The following MACROD2 variants were observed in gnomAD, a reference collection of about 807,000 sequenced individuals.
MACROD2 encodes ADP-ribose glycohydrolase MACROD2.
A neutral mutation model predicts 70.4 loss-of-function variants in MACROD2; 36 were observed. The ratio of observed to expected loss-of-function variants is 0.51; its 90% CI spans 0.39 to 0.68. The LOEUF (loss-of-function observed/expected upper bound fraction) is 0.68, where lower values mean the gene tolerates loss of function less well. MACROD2 is among the 30% of genes least tolerant of loss of function. The pLI is 0.00. For missense variants in MACROD2, 496 were observed against 538.4 expected, an observed-to-expected ratio of 0.92 and a Z score of 0.78; for synonymous variants, 172 against 178.8, an observed-to-expected ratio of 0.96 and a Z score of 0.30.
intron 5 of MACROD2, among the ~76,000 whole-genome samples, chr20:15,036,010 T>C (rs2075310192): frequency 6.6e-6 from 1 of 152,114 alleles, no homozygotes; most frequent in South Asian, 2.1e-4. Flanking sequence ...ATGGTCTGCC[T>C]ACTTGAAACA....
At chr20:14,280,910 G>A (rs1341775214) in intron 3 of MACROD2, among the ~76,000 whole-genome samples, 1 of 152,118 alleles carries the variant, frequency 6.6e-6, no homozygotes, top group African/African-American at 2.4e-5. Flanking sequence ...AAAAGAAACT[G>A]AAGGGAAAAT....
intron 4 of MACROD2, among the ~76,000 whole-genome samples, chr20:14,680,154 C>T (rs1177486990): frequency 1.3e-5 from 2 of 152,050 alleles, no homozygotes; most frequent in African/African-American, 4.8e-5. Context: ...GAGGAGATGC[C>T]AGAAAGGAGA....
At chr20:14,568,798 C>G (rs1441799987) in intron 4 of MACROD2, among the ~76,000 whole-genome samples, 1 of 151,846 alleles carries the variant, frequency 6.6e-6, no homozygotes, top group African/African-American at 2.4e-5. Context: ...ATACATTTTT[C>G]TACGTGAGCG....
chr20:14,910,687 A>T (rs988381522), intron 5 of MACROD2, among the ~76,000 whole-genome samples: 2 of 152,186 alleles, frequency 1.3e-5, no homozygotes, highest in Admixed American at 6.5e-5. Flanking sequence ...GTTACAACCC[A>T]TTGACTGCTC....
chr20:14,554,722 C>T (rs1568667899), intron 4 of MACROD2, among the ~76,000 whole-genome samples: 3 of 152,034 alleles, frequency 2.0e-5, no homozygotes, highest in African/African-American at 4.8e-5. Flanking sequence ...ACACATTATT[C>T]TAAAATTCCT....
At chr20:15,036,174 CA>C (rs2075311528) in intron 5 of MACROD2, among the ~76,000 whole-genome samples, 1 of 152,156 alleles carries the variant, frequency 6.6e-6, no homozygotes, top group Admixed American at 6.5e-5. Flanking sequence ...ACTTGCTTCT[CA>C]AAAATTATCA....
chr20:14,841,367 T>G (rs1298673319), intron 5 of MACROD2, among the ~76,000 whole-genome samples: 1 of 152,178 alleles, frequency 6.6e-6, no homozygotes, highest in East Asian at 1.9e-4. Flanking sequence ...TAATAGAAAC[T>G]TTCCACTGAG....
At chr20:14,105,567 A>G (rs771906975) in intron 3 of MACROD2, among the ~76,000 whole-genome samples, 1 of 152,200 alleles carries the variant, frequency 6.6e-6, no homozygotes, top group Admixed American at 6.5e-5. Context: ...CTCAAGAGGC[A>G]GTCTAGCTCA....
At chr20:15,392,649 A>C (rs2045808909) in intron 6 of MACROD2, among the ~76,000 whole-genome samples, 2 of 152,090 alleles carry the variant, frequency 1.3e-5, no homozygotes, top group Non-Finnish European at 1.5e-5. Context: ...TTCTGTTTTG[A>C]GGATTGGTGC....
chr20:15,623,714 A>ATCTT, intron 8 of MACROD2, among the ~76,000 whole-genome samples: 1 of 151,798 alleles, frequency 6.6e-6, no homozygotes, highest in East Asian at 1.9e-4. Flanking sequence ...CTATCTATCT[A>ATCTT]TCTATCGATG....
At chr20:15,055,045 G>A (rs2075473550) in intron 5 of MACROD2, among the ~76,000 whole-genome samples, 2 of 150,066 alleles carry the variant, frequency 1.3e-5, no homozygotes, top group South Asian at 4.2e-4. Flanking sequence ...TTCCTCCTGG[G>A]TTCAAGTGAT....
At chr20:15,391,840 T>G (rs1157937948) in intron 6 of MACROD2, among the ~76,000 whole-genome samples, 1 of 152,180 alleles carries the variant, frequency 6.6e-6, no homozygotes, top group Non-Finnish European at 1.5e-5. Context: ...AAAACTTACC[T>G]ATCAGTAAGA....
chr20:14,557,684 C>T (rs2093042), intron 4 of MACROD2, among the ~76,000 whole-genome samples: 148,667 of 151,916 alleles, frequency 0.98, 72,827 homozygotes, highest in East Asian at 1. Flanking sequence ...AAGCCACTTT[C>T]ATTCAGTAGG....
At chr20:15,720,385 A>G (rs1423617790) in intron 8 of MACROD2, among the ~76,000 whole-genome samples, 1 of 152,200 alleles carries the variant, frequency 6.6e-6, no homozygotes, top group Non-Finnish European at 1.5e-5. Context: ...ACTATTTCCC[A>G]TAATGGCTAT....
intron 10 of MACROD2, among the ~76,000 whole-genome samples, chr20:15,907,293 T>G (rs1405552275): frequency 6.6e-6 from 1 of 152,228 alleles, no homozygotes. Flanking sequence ...GCTCACAAGA[T>G]CAGTCAATCA....
At chr20:14,451,979 A>G (rs2084250759) in intron 3 of MACROD2, among the ~76,000 whole-genome samples, 1 of 152,072 alleles carries the variant, frequency 6.6e-6, no homozygotes, top group African/African-American at 2.4e-5. Context: ...AATAGCACAT[A>G]AAGCTCACGC....
At chr20:14,028,525 T>C (rs1051303545) in intron 2 of MACROD2, among the ~76,000 whole-genome samples, 2 of 152,160 alleles carry the variant, frequency 1.3e-5, no homozygotes, top group Non-Finnish European at 2.9e-5. Context: ...CCCAGTTTTG[T>C]GCTTGAAACC....
chr20:16,001,907 A>G lies in MACROD2; in HGVS notation c.1153+14749A>G, dbSNP rs187232330. Among the ~76,000 whole-genome samples the G allele has an allele frequency of 3.9e-5, 6 of 152,156 alleles. No individual in the cohort carries two copies. In the East Asian group the frequency reaches 1.2e-3, roughly 29 times the overall value. On this transcript the variant is annotated intron_variant, in intron 15 of 17. Transcript: ENST00000684519. ...TAGTCAATATTTTACACTTTGTTAC[A>G]TTACTCTTATTTTTCCATTAACAAA...
chr20:15,172,491 A>G (rs866256628), intron 5 of MACROD2, among the ~76,000 whole-genome samples: 2 of 152,172 alleles, frequency 1.3e-5, no homozygotes, highest in Non-Finnish European at 2.9e-5. Flanking sequence ...GGCTCGAGCT[A>G]TCCTCCTGCC....
Sources: allele counts gnomAD v4.1 joint callset (sites outside exome capture counted in the v4.1 genomes callset), GRCh38; gene constraint gnomAD v4.1.1; transcripts MANE v1.5; gene names NCBI Gene and HGNC (gene_info 2026-07-23, HGNC 2026-07-21).